Variants in ST8SIA1 observed in about 807,000 individuals in gnomAD.
ST8SIA1 encodes alpha-N-acetylneuraminide alpha-2,8-sialyltransferase.
ST8SIA1 carries 16 observed loss-of-function variants against 35.9 expected under a neutral mutation model. The observed-to-expected ratio is 0.45, with a 90% CI of 0.30 to 0.68. The LOEUF is 0.68. Among genes scored for constraint, ST8SIA1 ranks in the 30% least tolerant of loss-of-function variants. The probability of loss-of-function intolerance (pLI) is 0.09; values close to 1 mark genes in which losing one functional copy is unlikely to be tolerated. For synonymous variants in ST8SIA1, 170 were observed against 169.6 expected (o/e 1.00, Z -0.02); for missense variants, 383 against 453.6 (o/e 0.84, Z 1.41).
At chr12:22,254,729 C>T (rs566812619) in intron 3 of ST8SIA1, among the ~76,000 whole-genome samples, 148 of 152,270 alleles carry the variant, frequency 9.7e-4, no homozygotes, top group Admixed American at 2.7e-3. Flanking sequence ...CTGGAACTGA[C>T]GTGCACATCA....
chr12:22,317,564 G>GT (rs1866536601), intron 1 of ST8SIA1, among the ~76,000 whole-genome samples: 1 of 152,210 alleles, frequency 6.6e-6, no homozygotes, highest in Admixed American at 6.5e-5. Flanking sequence ...CAGAACTGCA[G>GT]TTTTTTCGCA....
chr12:22,247,282 C>T (rs1295296520), intron 4 of ST8SIA1, among the ~76,000 whole-genome samples: 2 of 152,108 alleles, frequency 1.3e-5, no homozygotes, highest in Admixed American at 1.3e-4. Flanking sequence ...GTTTCATTTC[C>T]CTCCAAAGGA....
intron 4 of ST8SIA1, among the ~76,000 whole-genome samples, chr12:22,233,709 T>C (rs1426717941): frequency 6.6e-6 from 1 of 152,118 alleles, no homozygotes; most frequent in Non-Finnish European, 1.5e-5. Context: ...TGCCACTTAA[T>C]AGCTGATTGA....
At chr12:22,312,836 A>G (rs1467503479) in intron 1 of ST8SIA1, among the ~76,000 whole-genome samples, 1 of 152,202 alleles carries the variant, frequency 6.6e-6, no homozygotes, top group Non-Finnish European at 1.5e-5. Context: ...TATTCTTTTC[A>G]ATGCCGAAGT....
At chr12:22,286,520 G>C (rs954553695) in intron 2 of ST8SIA1, 1 of 517,828 alleles carries the variant, frequency 1.9e-6, no homozygotes, top group Non-Finnish European at 3.9e-6. Context: ...CCCAAAACTA[G>C]GGTTCCCTAA....
At chr12:22,325,359 G>A in intron 1 of ST8SIA1, 1 of 688,332 alleles carries the variant, frequency 1.5e-6, no homozygotes, top group South Asian at 1.5e-5. Context: ...GAAAAATGGA[G>A]AATGTGTGGC....
At chr12:22,261,149 T>C (rs1394092649) in intron 2 of ST8SIA1, among the ~76,000 whole-genome samples, 1 of 151,938 alleles carries the variant, frequency 6.6e-6, no homozygotes, top group Non-Finnish European at 1.5e-5. Flanking sequence ...TTTGAGGGTG[T>C]ATTTGTTTGT....
intron 4 of ST8SIA1, among the ~76,000 whole-genome samples, chr12:22,242,088 C>T (rs918301731): frequency 3.9e-5 from 6 of 151,996 alleles, no homozygotes; most frequent in Admixed American, 3.3e-4. Context: ...CACTAAGCCA[C>T]CAAACAAAGA....
intron 2 of ST8SIA1, among the ~76,000 whole-genome samples, chr12:22,263,068 G>A (rs566426427): frequency 5.3e-5 from 8 of 152,272 alleles, no homozygotes; most frequent in African/African-American, 1.9e-4. Flanking sequence ...CTGACCTAAG[G>A]CCTGAACAGA....
chr12:22,193,850 T>C lies in ST8SIA1; in HGVS notation c.*7702A>G, dbSNP rs1380218872. 2 of 146,508 alleles carry C rather than the reference T, an allele frequency of 1.4e-5. No homozygotes were observed. The highest frequency in any genetic ancestry group is 3.0e-5 in the Non-Finnish European group (2 of 66,066). The allele number at this position is 146,508 out of a possible 1,614,324, so 9.1% of individuals were successfully genotyped here. A position where few individuals can be genotyped will look rare whatever the true frequency, so the allele number is the denominator to read the frequency against. ...TATCCATGAACTAGTAGTCAGATTA[T>C]ATTATATGAGAAAAAATAATGTTTT... On this transcript the variant is annotated 3_prime_UTR_variant, in exon 5 of 5. Transcript: ENST00000396037.
intron 4 of ST8SIA1, among the ~76,000 whole-genome samples, chr12:22,220,050 A>C (rs898128337): frequency 6.6e-6 from 1 of 152,190 alleles, no homozygotes; most frequent in Non-Finnish European, 1.5e-5. Flanking sequence ...CATAGCCTAA[A>C]ATAGTGAATG....
chr12:22,325,335 TG>T, intron 1 of ST8SIA1: 1 of 673,406 alleles, frequency 1.5e-6, no homozygotes, highest in Non-Finnish European at 2.7e-6. Flanking sequence ...TAGTGTCTTC[TG>T]TGTTTAAGAT....
At chr12:22,224,990 A>T (rs1334518891) in intron 4 of ST8SIA1, among the ~76,000 whole-genome samples, 1 of 152,204 alleles carries the variant, frequency 6.6e-6, no homozygotes, top group Non-Finnish European at 1.5e-5. Context: ...CATAGATCAT[A>T]CATAGGAAGA....
In ST8SIA1 at chr12:22,255,357, G is replaced by C. The variant is rs373672934; in HGVS notation, c.414C>G (p.Cys138Trp). Reference protein sequence around the residue: ...ATPFQLPLKKCAVVGNGGILK... With the variant: ...ATPFQLPLKKWAVVGNGGILK... The stretch of plus-strand genomic sequence containing the variant: ...GAATCCCACCATTTCCCACCACCGC[G>C]CATTTCTTCAATGGCAGCTGGAATG... The change falls in exon 3 of 5, where the codon TGC becomes TGG. Residue 138 changes from cysteine to tryptophan, a missense_variant. Physicochemically the swap from Cys to Trp is radical, Grantham distance 215 (BLOSUM62 -2). Coordinates refer to ENST00000396037, the MANE Select transcript of ST8SIA1 (RefSeq NM_003034.4). 1 of 1,613,984 alleles carries C rather than the reference G, an allele frequency of 6.2e-7. No individual in the cohort carries two copies. The highest frequency in any genetic ancestry group is 8.5e-7 in the Non-Finnish European group (1 of 1,180,012).
At chr12:22,219,467 G>A (rs1242768105) in intron 4 of ST8SIA1, among the ~76,000 whole-genome samples, 3 of 152,208 alleles carry the variant, frequency 2.0e-5, no homozygotes, top group African/African-American at 7.2e-5. Flanking sequence ...GGATAGGGTG[G>A]AGGCGAGGGC....
chr12:22,243,196 T>C (rs923117230), intron 4 of ST8SIA1, among the ~76,000 whole-genome samples: 2 of 152,228 alleles, frequency 1.3e-5, no homozygotes, highest in African/African-American at 4.8e-5. Context: ...TTAATGCTTA[T>C]AACTTCTGAT....
chr12:22,206,809 A>G (rs1473456381), intron 4 of ST8SIA1, among the ~76,000 whole-genome samples: 1 of 152,218 alleles, frequency 6.6e-6, no homozygotes, highest in African/African-American at 2.4e-5. Flanking sequence ...TAAGAGTCAG[A>G]GCAGAGGGAC....
intron 2 of ST8SIA1, among the ~76,000 whole-genome samples, chr12:22,260,354 A>T (rs570954666): frequency 1.6e-4 from 24 of 151,960 alleles, no homozygotes; most frequent in Middle Eastern, 6.8e-3. Flanking sequence ...TAGAGACGAG[A>T]TTTCGCCGTG....
intron 4 of ST8SIA1, among the ~76,000 whole-genome samples, chr12:22,229,906 G>A (rs953659248): frequency 1.3e-5 from 2 of 152,146 alleles, no homozygotes; most frequent in Non-Finnish European, 2.9e-5. Context: ...CAGATGAAAG[G>A]AAAACCAACA....
Sources: gnomAD v4.1 joint callset for allele counts (sites outside exome capture counted in the v4.1 genomes callset) on GRCh38, gnomAD v4.1.1 for gene constraint, MANE v1.5 for transcripts, NCBI Gene and HGNC (gene_info 2026-07-23, HGNC 2026-07-21) for gene names.